The following FLVCR1 variants were observed in gnomAD, a reference collection of about 807,000 sequenced individuals.
FLVCR1 encodes choline/ethanolamine transporter FLVCR1.
A neutral mutation model predicts 53.6 loss-of-function variants in FLVCR1; 34 were observed. The ratio of observed to expected loss-of-function variants is 0.63; its 90% CI spans 0.48 to 0.84. The LOEUF (loss-of-function observed/expected upper bound fraction) is 0.84. Ranked by LOEUF, FLVCR1 falls within the 40% of genes least tolerant of loss-of-function variation. The pLI is 0.00. For synonymous variants in FLVCR1, 300 were observed against 286.3 expected, an observed-to-expected ratio of 1.05 and a Z score of -0.48; for missense variants, 677 against 696.7, an observed-to-expected ratio of 0.97 and a Z score of 0.32.
intron 3 of FLVCR1, among the ~76,000 whole-genome samples, chr1:212,882,789 C>G (rs1276683716): frequency 1.7e-5 from 2 of 114,594 alleles, no homozygotes; most frequent in African/African-American, 5.4e-5. Flanking sequence ...CTAAAGTATC[C>G]TTTGGGAGGC....
rs1386309449 is a variant in FLVCR1, at chr1:212,863,635, A to G, written c.739-90A>G. 9 of 1,159,722 alleles carry G rather than the reference A, an allele frequency of 7.8e-6. No homozygotes were observed. In the East Asian group the frequency reaches 1.9e-4, roughly 24 times the overall value. 71.8% of individuals were successfully genotyped at this position (1,159,722 alleles called of 1,614,324 possible). A position where few individuals can be genotyped will look rare whatever the true frequency, so the allele number is the denominator to read the frequency against. On this transcript the variant is annotated intron_variant, in intron 1 of 9. Transcript: ENST00000366971. ...TAATTTTCAAAGCACCTTTATAAAC[A>G]CTAGCTGTCCTCTTTATGTTCTGTT...
chr1:212,895,335 G>A lies in FLVCR1; in HGVS notation c.*45G>A. On this transcript the variant is annotated 3_prime_UTR_variant, in exon 10 of 10. Transcript: ENST00000366971. ...GTCCTGTAGTAATTGGGGACAATGT[G>A]ATCATCCTTGGAGAGAGATGTGAGC... 7.1e-7 allele frequency: 1 copy of A among 1,408,670 alleles called. No individual in the cohort carries two copies. The highest frequency in any genetic ancestry group is 1.0e-6 in the Non-Finnish European group (1 of 992,108). The allele number at this position is 1,408,670 out of a possible 1,614,324, so 87.3% of individuals were successfully genotyped here. A position where few individuals can be genotyped will look rare whatever the true frequency, so the allele number is the denominator to read the frequency against.
chr1:212,860,771 C>CA (rs1489465857), intron 1 of FLVCR1, among the ~76,000 whole-genome samples: 15 of 152,124 alleles, frequency 9.9e-5, no homozygotes, highest in African/African-American at 3.6e-4. Context: ...TATTACTCTC[C>CA]ATAAAACCAT....
intron 5 of FLVCR1, among the ~76,000 whole-genome samples, chr1:212,886,588 C>T (rs1019207196): frequency 8.6e-5 from 13 of 151,848 alleles, no homozygotes; most frequent in Non-Finnish European, 1.5e-4. Flanking sequence ...TTGCTTGAGG[C>T]CAGGAGTTCG....
chr1:212,867,867 G>A (rs986137879), intron 2 of FLVCR1, among the ~76,000 whole-genome samples: 1 of 147,522 alleles, frequency 6.8e-6, no homozygotes, highest in East Asian at 2.0e-4. Context: ...ACAGTGGCGC[G>A]ATCTTGGCTC....
At chr1:212,889,341 C>A in intron 8 of FLVCR1, 84 bp downstream of exon 8, 1 of 849,408 alleles carries the variant, frequency 1.2e-6, no homozygotes, top group Non-Finnish European at 2.0e-6. Flanking sequence ...CTTGACAGAA[C>A]TCAAGGGGAA....
intron 3 of FLVCR1, 48 bp from the exon 4 acceptor site, chr1:212,883,323 A>T: frequency 2.0e-6 from 2 of 1,006,564 alleles, no homozygotes; most frequent in Non-Finnish European, 1.6e-6. Flanking sequence ...TATTCTCTTT[A>T]TTATTGTAGG....
intron 3 of FLVCR1, among the ~76,000 whole-genome samples, chr1:212,876,256 C>T (rs943162499): frequency 6.6e-5 from 10 of 152,046 alleles, no homozygotes; most frequent in African/African-American, 1.2e-4. Context: ...CTCATCATTC[C>T]GCTCCCACTT....
rs780360002 is a variant in FLVCR1, at chr1:212,859,181, G to C, written c.729G>C (p.Leu243=). 6.8e-6 allele frequency: 11 copies of C among 1,613,906 alleles called. No homozygotes were observed. Among genetic ancestry groups the C allele is most frequent in the Non-Finnish European group, 9.3e-6 (11 of 1,180,056 alleles). Residue 243 remains leucine (L), a synonymous_variant, in exon 1 of 10, where the codon CTG becomes CTC. Coordinates refer to ENST00000366971, the MANE Select transcript of FLVCR1 (RefSeq NM_014053.4). Reference sequence around the variant, plus strand: ...CCACAGCTTGTGCCACCGCCGTGCTGGGCAATCAGGTAAGTACTGGAGTGG... The same window carrying C: ...CCACAGCTTGTGCCACCGCCGTGCTCGGCAATCAGGTAAGTACTGGAGTGG... The part of the protein sequence containing the change: ...EVSTACATAV[L]GNQLGTAVGF...
chr1:212,897,329 C>T lies in FLVCR1; in HGVS notation c.*2039C>T, dbSNP rs1250528934. On this transcript the variant is annotated 3_prime_UTR_variant, in exon 10 of 10. Coordinates refer to ENST00000366971, the MANE Select transcript of FLVCR1 (RefSeq NM_014053.4). The stretch of plus-strand genomic sequence containing the variant: ...CCAGTCTGGCCAACATGGCAAAACC[C>T]CATCTCTACTAAAAATACATACACA... The T allele has an allele frequency of 6.8e-6, 1 of 147,086 alleles. No homozygotes were observed. Among genetic ancestry groups the T allele is most frequent in the Non-Finnish European group, 1.5e-5 (1 of 66,214 alleles). 9.1% of individuals were successfully genotyped at this position (147,086 alleles called of 1,614,324 possible). A position where few individuals can be genotyped will look rare whatever the true frequency, so the allele number is the denominator to read the frequency against.
At position 212,888,604 on chromosome 1, in the gene FLVCR1, T is replaced by C. The variant is rs574563810; in HGVS notation, c.1413+10T>C. On this transcript the variant is annotated intron_variant, in intron 7 of 9. Coordinates refer to ENST00000366971, the MANE Select transcript of FLVCR1 (RefSeq NM_014053.4). ...TAATGCTTCTGCACAGGTAAACCTC[T>C]GATTTCTCTAAACCTGAGATGATTA... is the stretch of plus-strand genomic sequence containing the variant. 1 of 1,531,000 alleles carries C rather than the reference T, an allele frequency of 6.5e-7. No individual in the cohort carries two copies. Among genetic ancestry groups the C allele is most frequent in the African/African-American group, 1.4e-5 (1 of 73,474 alleles). The allele number at this position is 1,531,000 out of a possible 1,614,324, so 94.8% of individuals were successfully genotyped here. A position where few individuals can be genotyped will look rare whatever the true frequency, so the allele number is the denominator to read the frequency against.
At chr1:212,860,049 G>A (rs979649790) in intron 1 of FLVCR1, among the ~76,000 whole-genome samples, 4 of 152,180 alleles carry the variant, frequency 2.6e-5, no homozygotes, top group Non-Finnish European at 4.4e-5. Context: ...TTGGGAGGCT[G>A]AGGCAGGCGG....
chr1:212,873,767 AT>A (rs1054489236), intron 3 of FLVCR1, among the ~76,000 whole-genome samples: 2 of 152,166 alleles, frequency 1.3e-5, no homozygotes, highest in Admixed American at 6.5e-5. Flanking sequence ...TCTGTTTCAC[AT>A]TTTTTGGGGA....
At chr1:212,884,361 G>A (rs1401666344) in intron 4 of FLVCR1, among the ~76,000 whole-genome samples, 3 of 151,820 alleles carry the variant, frequency 2.0e-5, no homozygotes, top group Non-Finnish European at 4.4e-5. Context: ...TAGCGCCACT[G>A]TACTCCAGCC....
chr1:212,877,686 GTT>G (rs56783462), intron 3 of FLVCR1, among the ~76,000 whole-genome samples: 46 of 127,134 alleles, frequency 3.6e-4, no homozygotes, highest in African/African-American at 8.9e-4. Context: ...TCTGATGATA[GTT>G]TTTTTTTTTT....
intron 2 of FLVCR1, among the ~76,000 whole-genome samples, chr1:212,871,680 AC>A (rs2102549695): frequency 6.6e-6 from 1 of 152,270 alleles, no homozygotes; most frequent in East Asian, 1.9e-4. Flanking sequence ...ACCATGCCTG[AC>A]CTGTGAATTA....
intron 8 of FLVCR1, among the ~76,000 whole-genome samples, chr1:212,892,151 A>T (rs1463661188): frequency 6.6e-6 from 1 of 152,266 alleles, no homozygotes; most frequent in Non-Finnish European, 1.5e-5. Flanking sequence ...GTGCTGATGT[A>T]GATGCTGAAG....
intron 2 of FLVCR1, among the ~76,000 whole-genome samples, chr1:212,868,506 C>G (rs1364448290): frequency 1.3e-5 from 2 of 152,188 alleles, no homozygotes; most frequent in East Asian, 3.8e-4. Context: ...CTCTGCCTCC[C>G]GGATTCAAGC....
Position 212,858,295 on chromosome 1 carries a change from G to C in FLVCR1, c.-158G>C. The C allele has an allele frequency of 1.4e-6, 1 of 716,900 alleles. No homozygotes were observed. Among genetic ancestry groups the C allele is most frequent in the Non-Finnish European group, 2.2e-6 (1 of 460,678 alleles). The allele number at this position is 716,900 out of a possible 1,614,324, so 44.4% of individuals were successfully genotyped here. A position where few individuals can be genotyped will look rare whatever the true frequency, so the allele number is the denominator to read the frequency against. On this transcript the variant is annotated 5_prime_UTR_variant, in exon 1 of 10. Transcript: ENST00000366971. ...GGAGGAGACCTTCATCTGTTCACGC[G>C]GTAGCGCGGATTGCGGTTCGCGGCG...
Sources: gnomAD v4.1 joint callset for allele counts (sites outside exome capture counted in the v4.1 genomes callset) on GRCh38, gnomAD v4.1.1 for gene constraint, MANE v1.5 for transcripts, NCBI Gene and HGNC (gene_info 2026-07-23, HGNC 2026-07-21) for gene names.